Variants in GAREM2 observed in about 807,000 individuals in gnomAD.
GAREM2 encodes the protein GRB2-associated and regulator of MAPK protein 2.
In GAREM2, 30 loss-of-function variants were observed where a neutral mutation model predicts 55.6. That is an observed-to-expected ratio of 0.54 (90% CI 0.40 to 0.73). The LOEUF is 0.73. Among genes scored for constraint, GAREM2 ranks in the 30% least tolerant of loss-of-function variants. GAREM2 has a pLI of 0.00. For missense variants in GAREM2, 1,075 were observed against 1,257.7 expected (o/e 0.85, Z 2.20); for synonymous variants, 550 against 569.1 (o/e 0.97, Z 0.48).
chr2:26,182,431 T>C, intron 2 of GAREM2: 8 of 1,550,368 alleles, frequency 5.2e-6, no homozygotes, highest in Non-Finnish European at 7.0e-6. Flanking sequence ...AGGCCCTGGT[T>C]GGCCCAGTGC....
downstream of GAREM2, chr2:26,191,658 A>G (rs754125767): frequency 2.7e-5 from 44 of 1,611,752 alleles, no homozygotes; most frequent in Non-Finnish European, 3.6e-5. Flanking sequence ...TTTAGGTAGA[A>G]GAAGAGGAAA....
At chr2:26,193,900 G>A, downstream of GAREM2, 2 of 723,122 alleles carry the variant, frequency 2.8e-6, no homozygotes, top group Non-Finnish European at 2.4e-6. Context: ...ACCAGGCCCA[G>A]GACTGGTGCT....
chr2:26,193,591 G>A, downstream of GAREM2: 1 of 1,613,508 alleles, frequency 6.2e-7, no homozygotes. Context: ...GAAGCCCTTG[G>A]ACACCATCTG....
the GAREM2 span, chr2:26,195,352 G>T: frequency 1.1e-6 from 1 of 880,116 alleles, no homozygotes. Flanking sequence ...AATACTGCTT[G>T]ACATAGCTGA....
chr2:26,184,084 A>T, intron 3 of GAREM2, 149 bp from the exon 4 acceptor site: 1 of 1,221,010 alleles, frequency 8.2e-7, no homozygotes, highest in East Asian at 2.7e-5. Flanking sequence ...TCTCTCCAGG[A>T]TGAACGTGGA....
chr2:26,198,797 C>T, the GAREM2 span, among the ~76,000 whole-genome samples: 2 of 152,174 alleles, frequency 1.3e-5, no homozygotes, highest in South Asian at 4.1e-4. Context: ...CAACTATAAT[C>T]CCAACACTTC....
chr2:26,191,717 T>C, downstream of GAREM2: 1 of 1,349,728 alleles, frequency 7.4e-7, no homozygotes, highest in Admixed American at 1.7e-5. Context: ...TCGGGATGGG[T>C]GCATGGGGAG....
rs989764785 is a variant in GAREM2, at chr2:26,188,654, T to C, written c.*397T>C. 1.2e-4 allele frequency: 20 copies of C among 170,892 alleles called. No individual in the cohort carries two copies. The highest frequency in any genetic ancestry group is 4.0e-4 in the African/African-American group (17 of 42,274). 10.6% of individuals were successfully genotyped at this position (170,892 alleles called of 1,614,324 possible). A position where few individuals can be genotyped will look rare whatever the true frequency, so the allele number is the denominator to read the frequency against. ...TAGGCTCTGTTTAGAGACAAGAAGA[T>C]GGCTGGTAATTTAAGCACCGATTTC... On this transcript the variant is annotated 3_prime_UTR_variant, in exon 6 of 6. Transcript: ENST00000401533.
At position 26,186,380 on chromosome 2, in the gene GAREM2, G is replaced by T. The variant is rs768670941; in HGVS notation, c.1598+22G>T. 3 of 1,549,580 alleles carry T rather than the reference G, an allele frequency of 1.9e-6. No individual in the cohort carries two copies. The South Asian group carries it at 3.6e-5, about 18-fold the overall frequency. The stretch of plus-strand genomic sequence containing the variant: ...ATGGGTGAGTCCCTGCCTTCCCTTG[G>T]TCCTGAGTTCTAAGGTAGATCAAGG... On this transcript the variant is annotated intron_variant, in intron 5 of 5. Transcript: ENST00000401533.
downstream of GAREM2, chr2:26,193,629 A>C (rs1006313329): frequency 1.2e-5 from 19 of 1,613,942 alleles, no homozygotes; most frequent in Non-Finnish European, 1.6e-5. Context: ...TTCCACCTCC[A>C]AACCGCTCCC....
rs1033962931 is a variant in GAREM2, at chr2:26,184,779, G to A, written c.931G>A (p.Ala311Thr). ...LGLALRREGP[A>T]PLHFLLLTDT... Reference sequence around the variant, plus strand: ...GCTGGCGCTGCGCCGCGAGGGCCCGGCGCCGCTGCACTTCCTGCTGCTCAC... The same window carrying A: ...GCTGGCGCTGCGCCGCGAGGGCCCGACGCCGCTGCACTTCCTGCTGCTCAC... Residue 311 changes from alanine to threonine, a missense_variant, in exon 4 of 6, where the codon GCG becomes ACG. Ala to Thr is a moderately conservative substitution (Grantham distance 58). Coordinates refer to ENST00000401533, the MANE Select transcript of GAREM2 (RefSeq NM_001168241.2). 38 of 1,500,044 alleles carry A rather than the reference G, an allele frequency of 2.5e-5. No individual in the cohort carries two copies. The highest frequency in any genetic ancestry group is 3.3e-5 in the Non-Finnish European group (37 of 1,131,106). The allele number at this position is 1,500,044 out of a possible 1,614,324, so 92.9% of individuals were successfully genotyped here. A position where few individuals can be genotyped will look rare whatever the true frequency, so the allele number is the denominator to read the frequency against.
intron 2 of GAREM2, among the ~76,000 whole-genome samples, chr2:26,180,546 G>T (rs1235777118): frequency 1.3e-5 from 2 of 152,220 alleles, no homozygotes; most frequent in East Asian, 3.8e-4. Flanking sequence ...GCCTCTCCAG[G>T]ATCTGCCTTG....
At chr2:26,181,692 A>T (rs572134764) in intron 2 of GAREM2, 1 of 152,378 alleles carries the variant, frequency 6.6e-6, no homozygotes, top group Non-Finnish European at 1.5e-5. Context: ...TTCAGAAGCT[A>T]AAGAAGGCCC....
chr2:26,184,146 T>G, intron 3 of GAREM2, 87 bp from the exon 4 acceptor site: 1 of 1,514,840 alleles, frequency 6.6e-7, no homozygotes, highest in South Asian at 1.2e-5. Context: ...AGAGGAAGGC[T>G]GTTTTCCCTT....
At chr2:26,175,629 C>A (rs977455308) in intron 1 of GAREM2, among the ~76,000 whole-genome samples, 1 of 152,140 alleles carries the variant, frequency 6.6e-6, no homozygotes. Flanking sequence ...GACTCCCCCC[C>A]TCTCCTTCGA....
At chr2:26,203,687 A>T in the GAREM2 span, among the ~76,000 whole-genome samples, 2 of 152,216 alleles carry the variant, frequency 1.3e-5, no homozygotes, top group Non-Finnish European at 2.9e-5. Flanking sequence ...TGCTGTTTGA[A>T]TAATCCTTAA....
At chr2:26,173,368 C>T in intron 1 of GAREM2, 36 bp downstream of exon 1, 1 of 1,208,806 alleles carries the variant, frequency 8.3e-7, no homozygotes. Context: ...CCGGGGTCCG[C>T]GGGGAAATGG....
chr2:26,187,114 G>T, intron 5 of GAREM2, 117 bp from the exon 6 acceptor site: 1 of 1,299,980 alleles, frequency 7.7e-7, no homozygotes. Context: ...TGGGGCTGGG[G>T]TGCAGGCCCG....
intron 2 of GAREM2, chr2:26,181,195 A>ATT: frequency 1.1e-6 from 1 of 945,726 alleles, no homozygotes; most frequent in Non-Finnish European, 1.3e-6. Context: ...ATAAAGCTTT[A>ATT]CTGCTTTAGC....
Sources: gnomAD v4.1 joint callset for allele counts (sites outside exome capture counted in the v4.1 genomes callset) on GRCh38, gnomAD v4.1.1 for gene constraint, MANE v1.5 for transcripts, NCBI Gene and HGNC (gene_info 2026-07-23, HGNC 2026-07-21) for gene names.